The following PIK3C3 variants were observed in gnomAD, a reference collection of about 807,000 sequenced individuals.
The protein encoded by PIK3C3 is phosphatidylinositol 3-kinase catalytic subunit type 3, also known as PI3-kinase type 3.
In PIK3C3, 95 loss-of-function variants were observed where a neutral mutation model predicts 126.1. The ratio of observed to expected loss-of-function variants is 0.75; its 90% CI spans 0.64 to 0.89. The LOEUF (loss-of-function observed/expected upper bound fraction) is 0.89. Among genes scored for constraint, PIK3C3 ranks in the 40% least tolerant of loss-of-function variants. PIK3C3 has a pLI of 0.00. For synonymous variants in PIK3C3, 374 were observed against 360.0 expected, an observed-to-expected ratio of 1.04 and a Z score of -0.44; for missense variants, 829 against 1,063.2, an observed-to-expected ratio of 0.78 and a Z score of 3.06.
intron 4 of PIK3C3, among the ~76,000 whole-genome samples, chr18:41,980,656 TA>T (rs147726286): frequency 2.7e-5 from 4 of 145,772 alleles, no homozygotes; most frequent in Admixed American, 1.4e-4. Context: ...TCTCTGTAAA[TA>T]AAAAAAAAAC....
At chr18:42,076,160 A>ATATATATATG in intron 24 of PIK3C3, among the ~76,000 whole-genome samples, 1 of 102,466 alleles carries the variant, frequency 9.8e-6, no homozygotes, top group African/African-American at 5.4e-5. Context: ...ATATATATAT[A>ATATATATATG]TGCACATATA....
intron 15 of PIK3C3, 56 bp downstream of exon 15, chr18:42,029,497 T>A: frequency 1.1e-6 from 1 of 933,218 alleles, no homozygotes; most frequent in Admixed American, 1.7e-5. Flanking sequence ...CAGAAAATAC[T>A]GAATTTTCAC....
intron 19 of PIK3C3, among the ~76,000 whole-genome samples, chr18:42,043,202 A>G (rs1984404292): frequency 6.6e-6 from 1 of 151,414 alleles, no homozygotes; most frequent in Non-Finnish European, 1.5e-5. Flanking sequence ...AGGTTCAAGC[A>G]ATTCTCCTGC....
At chr18:42,040,156 C>CTTTTTTT (rs55821466) in intron 18 of PIK3C3, among the ~76,000 whole-genome samples, 20 of 110,512 alleles carry the variant, frequency 1.8e-4, no homozygotes, top group African/African-American at 5.4e-4. Flanking sequence ...GTCCCCTTTC[C>CTTTTTTT]TTTTTTTTTT....
chr18:41,957,798 C>A, intron 2 of PIK3C3, 40 bp downstream of exon 2: 1 of 1,453,600 alleles, frequency 6.9e-7, no homozygotes, highest in South Asian at 1.3e-5. Context: ...ACAGACTGTT[C>A]TTACCTTTCT....
intron 4 of PIK3C3, among the ~76,000 whole-genome samples, chr18:41,982,493 G>A (rs1219423112): frequency 6.6e-6 from 1 of 152,092 alleles, no homozygotes; most frequent in Non-Finnish European, 1.5e-5. Context: ...ATTATGAAGT[G>A]AAATTGCTTT....
intron 23 of PIK3C3, among the ~76,000 whole-genome samples, chr18:42,065,372 T>A (rs1241179360): frequency 6.6e-6 from 1 of 152,086 alleles, no homozygotes; most frequent in Non-Finnish European, 1.5e-5. Context: ...GCATAATTAC[T>A]GAACAGATAG....
At chr18:42,039,258 T>C (rs1416276498) in intron 18 of PIK3C3, among the ~76,000 whole-genome samples, 2 of 152,216 alleles carry the variant, frequency 1.3e-5, no homozygotes, top group Admixed American at 1.3e-4. Flanking sequence ...TCCTGCTTTA[T>C]ACTAGTAGTT....
intron 24 of PIK3C3, among the ~76,000 whole-genome samples, chr18:42,078,473 C>G (rs1391426033): frequency 7.3e-5 from 11 of 150,030 alleles, no homozygotes; most frequent in Non-Finnish European, 1.0e-4. Flanking sequence ...ATTTGTAGAT[C>G]AAAGGCAGAG....
In PIK3C3 at chr18:42,064,605, T is replaced by G. The variant is rs562775609; in HGVS notation, c.2433-135T>G. The G allele has an allele frequency of 8.6e-6, 5 of 581,874 alleles. No homozygotes were observed. The South Asian group carries it at 9.2e-5, about 11-fold the overall frequency. The allele number at this position is 581,874 out of a possible 1,614,324, so 36.0% of individuals were successfully genotyped here. Reference sequence around the variant, plus strand: ...AGGCTTGCATTTCATTGATACCAACTGATGAATTTTCTGCTGGAATAATAG... The same window carrying G: ...AGGCTTGCATTTCATTGATACCAACGGATGAATTTTCTGCTGGAATAATAG... On this transcript the variant is annotated intron_variant, in intron 22 of 24. Transcript: ENST00000262039.
rs1986290935 is a variant in PIK3C3, at chr18:42,082,668, T to G, written c.*1531T>G. On this transcript the variant is annotated 3_prime_UTR_variant, in exon 25 of 25. Transcript: ENST00000262039. ...AAAACTTTTCTCTGAATTACCCTTG[T>G]TGAAACTGACCTTTCTTCCGTGTGA... The G allele has an allele frequency of 6.6e-6, 1 of 152,246 alleles. No individual in the cohort carries two copies. The highest frequency in any genetic ancestry group is 2.4e-5 in the African/African-American group (1 of 41,468). The allele number at this position is 152,246 out of a possible 1,614,324, so 9.4% of individuals were successfully genotyped here.
In PIK3C3 at chr18:41,996,644, G is replaced by GT; in HGVS notation, c.899dup (p.Ser301GlufsTer11). On this transcript the variant is annotated frameshift_variant, in exon 9 of 25. Transcript: ENST00000262039. LOFTEE classifies it high-confidence loss of function. ...TTTTCTTTTTTTGTTTTAGATTATTGTGAGTTATCCACCAACCAAGCAACT... is the reference window on the plus strand; with the variant it reads ...TTTTCTTTTTTTGTTTTAGATTATTGTTGAGTTATCCACCAACCAAGCAACT... 1 of 1,530,590 alleles carries GT rather than the reference G, an allele frequency of 6.5e-7. No individual in the cohort carries two copies. Among genetic ancestry groups the GT allele is most frequent in the East Asian group, 2.3e-5 (1 of 43,172 alleles). The allele number at this position is 1,530,590 out of a possible 1,614,324, so 94.8% of individuals were successfully genotyped here.
chr18:42,038,264 G>A (rs1984147002), intron 17 of PIK3C3, among the ~76,000 whole-genome samples: 1 of 152,094 alleles, frequency 6.6e-6, no homozygotes, highest in African/African-American at 2.4e-5. Context: ...ACAGCTGACA[G>A]AGATTTAGAG....
At chr18:41,973,760 C>T (rs912352857) in intron 4 of PIK3C3, among the ~76,000 whole-genome samples, 2 of 151,904 alleles carry the variant, frequency 1.3e-5, no homozygotes, top group Admixed American at 6.6e-5. Flanking sequence ...ATTTGTATGC[C>T]TCCTGCTTCC....
chr18:42,070,587 AGGACTTTGGTTTACCAAAGTCTCT>A (rs1465702792), intron 24 of PIK3C3: 1 of 152,180 alleles, frequency 6.6e-6, no homozygotes. Flanking sequence ...TAGTAATAGA[AGGACTTTGGTTTACCAAAGTCTCT>A]GGGCCTCAGT....
At chr18:41,976,079 T>C (rs1461665959) in intron 4 of PIK3C3, among the ~76,000 whole-genome samples, 1 of 152,192 alleles carries the variant, frequency 6.6e-6, no homozygotes, top group Admixed American at 6.5e-5. Flanking sequence ...TGAATAAACG[T>C]TGACAAATTA....
In PIK3C3 at chr18:42,086,434, C is replaced by G. The variant is rs1242984150; in HGVS notation, c.*5297C>G. 1.3e-5 allele frequency: 2 copies of G among 152,104 alleles called. No individual in the cohort carries two copies. Among genetic ancestry groups the G allele is most frequent in the African/African-American group, 4.8e-5 (2 of 41,414 alleles). The allele number at this position is 152,104 out of a possible 1,614,324, so 9.4% of individuals were successfully genotyped here. A position where few individuals can be genotyped will look rare whatever the true frequency, so the allele number is the denominator to read the frequency against. ...GGACTGGGTATAATGAAGCTGAGAC[C>G]CACTGGGCTGCATTCCCAGGAAGTT... is the stretch of plus-strand genomic sequence containing the variant. On this transcript the variant is annotated 3_prime_UTR_variant, in exon 25 of 25. Transcript: ENST00000262039.
chr18:41,971,887 T>C (rs1313828327), intron 4 of PIK3C3, among the ~76,000 whole-genome samples: 1 of 152,078 alleles, frequency 6.6e-6, no homozygotes, highest in African/African-American at 2.4e-5. Flanking sequence ...AGCTTTATAG[T>C]TGCACAGTGT....
chr18:42,068,813 G>A (rs1001430920), intron 24 of PIK3C3, among the ~76,000 whole-genome samples: 2 of 152,018 alleles, frequency 1.3e-5, no homozygotes, highest in African/African-American at 4.8e-5. Context: ...AGCCAGGTGT[G>A]ATGGCGGGCG....
Sources: allele counts gnomAD v4.1 joint callset (sites outside exome capture counted in the v4.1 genomes callset), GRCh38; gene constraint gnomAD v4.1.1; transcripts MANE v1.5; gene names NCBI Gene and HGNC (gene_info 2026-07-23, HGNC 2026-07-21).